DAB1: variants seen among roughly 807,000 people sequenced by gnomAD.
DAB1 encodes the protein DAB adaptor protein 1, also known as disabled homolog 1.
DAB1 carries 15 observed loss-of-function variants against 64.6 expected under a neutral mutation model. That is an observed-to-expected ratio of 0.23 (90% CI 0.16 to 0.36). The LOEUF (loss-of-function observed/expected upper bound fraction) is 0.36, where lower values mean the gene tolerates loss of function less well. DAB1 is among the 10% of genes least tolerant of loss of function. DAB1 has a pLI of 1.00. For synonymous variants in DAB1, 235 were observed against 251.9 expected (o/e 0.93, Z 0.64); for missense variants, 596 against 706.7 (o/e 0.84, Z 1.78).
At position 57,257,288 on chromosome 1, in the gene DAB1, G is replaced by A. The variant is rs576665085; in HGVS notation, c.67+33676C>T. ...TGCCTAGATGTCTCCAACACTGCCA[G>A]CTGCTTCCACAATGCCAACTGCCAC... On this transcript the variant is annotated intron_variant, in intron 2 of 14. Transcript: ENST00000371236. 2.6e-5 allele frequency among the ~76,000 whole-genome samples: 4 copies of A among 152,258 alleles called. No homozygotes were observed. The East Asian group carries it at 7.7e-4, about 29-fold the overall frequency.
At chr1:58,340,417 T>C (rs911209002) in intron 4 of DAB1, among the ~76,000 whole-genome samples, 7 of 152,136 alleles carry the variant, frequency 4.6e-5, no homozygotes, top group Admixed American at 2.0e-4. Context: ...TTTTCAACTT[T>C]TATTGGATTC....
At chr1:57,817,636 C>G (rs1323664198) in intron 6 of DAB1, among the ~76,000 whole-genome samples, 1 of 152,212 alleles carries the variant, frequency 6.6e-6, no homozygotes, top group Non-Finnish European at 1.5e-5. Context: ...CTTCTGGCTG[C>G]CCCACTCAAA....
intron 4 of DAB1, among the ~76,000 whole-genome samples, chr1:58,166,750 G>GT (rs35872481): frequency 0.012 from 1,621 of 134,896 alleles, 42 homozygotes; most frequent in African/African-American, 0.039. Flanking sequence ...TTGTTTGTTC[G>GT]TTTTTTTTTT....
chr1:57,632,390 A>G (rs187902462), intron 7 of DAB1, among the ~76,000 whole-genome samples: 680 of 152,352 alleles, frequency 4.5e-3, no homozygotes, highest in Non-Finnish European at 8.3e-3. Flanking sequence ...CCAGTTTAAC[A>G]TGAAATTGGG....
chr1:57,239,205 T>C (rs575102194), intron 2 of DAB1, among the ~76,000 whole-genome samples: 1 of 152,266 alleles, frequency 6.6e-6, no homozygotes, highest in South Asian at 2.1e-4. Context: ...AAATGTCCAC[T>C]CAGAAGTCAT....
Position 58,086,330 on chromosome 1 carries a change from C to T in DAB1, n.387+64181G>A, listed in dbSNP as rs529522401. ...GCTCAACACCTAACACATTTAAAGG[C>T]AGTTTGTCATGACATACACACATTG... On this transcript the variant is annotated intron_variant and non_coding_transcript_variant, in intron 5 of 20. Transcript: ENST00000485760. Among the ~76,000 whole-genome samples the T allele has an allele frequency of 7.6e-4, 116 of 152,262 alleles. 1 individual carries two copies. Among genetic ancestry groups the T allele is most frequent in the Non-Finnish European group, 1.3e-3 (88 of 68,020 alleles).
intron 6 of DAB1, among the ~76,000 whole-genome samples, chr1:57,758,716 A>G (rs1321928182): frequency 6.6e-6 from 1 of 152,226 alleles, no homozygotes; most frequent in Non-Finnish European, 1.5e-5. Flanking sequence ...TTTCAAAGCT[A>G]AAAATACAGC....
chr1:57,751,109 CAATCCA>C (rs1404654132), intron 6 of DAB1, among the ~76,000 whole-genome samples: 3 of 152,082 alleles, frequency 2.0e-5, no homozygotes, highest in African/African-American at 7.2e-5. Context: ...CTATGGTACA[CAATCCA>C]AAGGTTGATC....
At chr1:58,179,884 A>G (rs1656680822) in intron 4 of DAB1, among the ~76,000 whole-genome samples, 1 of 152,064 alleles carries the variant, frequency 6.6e-6, no homozygotes, top group Non-Finnish European at 1.5e-5. Context: ...TAGGTTCTAC[A>G]TCATTGAATT....
Position 57,533,586 on chromosome 1 carries a change from C to A in DAB1, n.625+116006G>T, listed in dbSNP as rs1377857402. ...ATATATGTATATATGTAGGCACACA[C>A]AAATTGTAAGGGTTATGTGATTGTT... On this transcript the variant is annotated intron_variant and non_coding_transcript_variant, in intron 7 of 20. Transcript: ENST00000485760. Among the ~76,000 whole-genome samples the A allele has an allele frequency of 2.7e-5, 4 of 146,352 alleles. No individual in the cohort carries two copies. In the East Asian group the frequency reaches 7.9e-4, roughly 29 times the overall value.
chr1:58,083,451 G>C (rs547601734), intron 5 of DAB1, among the ~76,000 whole-genome samples: 1 of 152,268 alleles, frequency 6.6e-6, no homozygotes, highest in East Asian at 1.9e-4. Flanking sequence ...CAGTGTGCGG[G>C]GCAGCTTAGT....
intron 9 of DAB1, among the ~76,000 whole-genome samples, chr1:57,051,324 A>C (rs1387306218): frequency 2.0e-5 from 3 of 152,206 alleles, no homozygotes. Flanking sequence ...AGGAAGTGAA[A>C]TTGACAAACG....
At chr1:58,296,041 C>T (rs1202187834) in intron 4 of DAB1, among the ~76,000 whole-genome samples, 2 of 137,196 alleles carry the variant, frequency 1.5e-5, no homozygotes, top group Admixed American at 1.6e-4. Flanking sequence ...TGGAGTGAGC[C>T]GAGATCATGC....
At chr1:57,961,850 T>C (rs979759951) in intron 5 of DAB1, among the ~76,000 whole-genome samples, 4 of 152,120 alleles carry the variant, frequency 2.6e-5, no homozygotes, top group South Asian at 2.1e-4. Context: ...TGGTGTCCTG[T>C]AATCCCAGCT....
chr1:57,695,459 T>C (rs2101722377), intron 6 of DAB1, among the ~76,000 whole-genome samples: 1 of 151,570 alleles, frequency 6.6e-6, no homozygotes, highest in East Asian at 1.9e-4. Context: ...GCCAATTAAG[T>C]CTGTATGTCT....
At chr1:58,495,054 T>C (rs1012203125) in intron 3 of DAB1, among the ~76,000 whole-genome samples, 5 of 152,002 alleles carry the variant, frequency 3.3e-5, no homozygotes, top group Non-Finnish European at 7.4e-5. Context: ...ATTAAGAAAA[T>C]GTGGCACATA....
intron 4 of DAB1, among the ~76,000 whole-genome samples, chr1:58,300,569 A>G: frequency 7.3e-5 from 1 of 13,728 alleles, no homozygotes; most frequent in African/African-American, 2.7e-4. Context: ...AGAAAGAAAG[A>G]AAGAAAGAAA....
At chr1:57,875,776 G>A (rs1313502187) in intron 1 of DAB1, among the ~76,000 whole-genome samples, 1 of 152,142 alleles carries the variant, frequency 6.6e-6, no homozygotes, top group Non-Finnish European at 1.5e-5. Context: ...CCATCACGTT[G>A]GCCTGGGATG....
At position 57,185,158 on chromosome 1, in the gene DAB1, G is replaced by A. The variant is rs559764502; in HGVS notation, c.68-39729C>T. Among the ~76,000 whole-genome samples the A allele has an allele frequency of 1.1e-4, 16 of 152,200 alleles. 1 individual carries two copies. Among genetic ancestry groups the A allele is most frequent in the African/African-American group, 3.9e-4 (16 of 41,524 alleles). On this transcript the variant is annotated intron_variant, in intron 2 of 14. Coordinates refer to ENST00000371236, the MANE Select transcript of DAB1 (RefSeq NM_001365792.1). ...TCTCTGTGCCAGGCGAACTCCCTGA[G>A]ATGGCATTTCTTCAGGGAAGTCTTC...
Sources: allele counts gnomAD v4.1 joint callset (sites outside exome capture counted in the v4.1 genomes callset), GRCh38; gene constraint gnomAD v4.1.1; transcripts MANE v1.5; gene names NCBI Gene and HGNC (gene_info 2026-07-23, HGNC 2026-07-21).